Variants in CDC73 observed in about 807,000 individuals in gnomAD.
CDC73 encodes cell division cycle 73.
A neutral mutation model predicts 83.7 loss-of-function variants in CDC73; 21 were observed. The observed-to-expected ratio is 0.25, with a 90% CI of 0.18 to 0.36. The LOEUF is 0.36. CDC73 is among the 10% of genes least tolerant of loss of function. The pLI, the probability that CDC73 is intolerant of heterozygous loss-of-function variation, is 1.00. For synonymous variants in CDC73, 224 were observed against 212.9 expected (o/e 1.05, Z -0.45); for missense variants, 342 against 653.3 (o/e 0.52, Z 5.19).
intron 10 of CDC73, chr1:193,180,752 G>T (rs767933476): frequency 6.2e-7 from 1 of 1,614,074 alleles, no homozygotes; most frequent in Non-Finnish European, 8.5e-7. Flanking sequence ...CTGGGAGGCA[G>T]ATCTGGCTTC....
At chr1:193,214,451 C>T (rs1677329049) in intron 13 of CDC73, among the ~76,000 whole-genome samples, 1 of 152,170 alleles carries the variant, frequency 6.6e-6, no homozygotes, top group Admixed American at 6.5e-5. Context: ...GGCACGGTGG[C>T]TCACGCCTGT....
intron 13 of CDC73, among the ~76,000 whole-genome samples, chr1:193,224,571 ATACACATATATGAAATATGCATTCACATG>A (rs1280828198): frequency 6.6e-6 from 1 of 152,124 alleles, no homozygotes; most frequent in East Asian, 1.9e-4. Context: ...GCATTCACAT[ATACACATATATGAAATATGCATTCACATG>A]TACACATATA....
At chr1:193,163,174 T>G (rs1442311055) in intron 10 of CDC73, among the ~76,000 whole-genome samples, 5 of 150,818 alleles carry the variant, frequency 3.3e-5, no homozygotes, top group African/African-American at 4.9e-5. Context: ...TGTGTGTGTG[T>G]GTGGGTGTGT....
rs749039338 is a variant in CDC73 at position 193,141,856 on chromosome 1, G to A, written c.519G>A (p.Leu173=). ...GIVQTEQIRS[L]SEAMSVEKIA... is the part of the protein sequence containing the mutation. ...AAAAAGAAATTGCTTTTAGGTCTTT[G>A]TCTGAAGCTATGTCAGTGGAAAAAA... The change falls in exon 7 of 17, where the codon TTG becomes TTA. Residue 173 remains leucine (L), a synonymous_variant. Transcript: ENST00000367435. 1.3e-5 allele frequency: 21 copies of A among 1,611,184 alleles called. No individual in the cohort carries two copies. Among genetic ancestry groups the A allele is most frequent in the Non-Finnish European group, 1.5e-5 (18 of 1,177,778 alleles).
intron 10 of CDC73, chr1:193,179,307 C>T (rs1197604541): frequency 2.6e-5 from 4 of 152,138 alleles, no homozygotes; most frequent in Non-Finnish European, 4.4e-5. Context: ...ATAAACTTCC[C>T]GTATGTTGCA....
intron 13 of CDC73, among the ~76,000 whole-genome samples, chr1:193,214,282 A>T (rs569461432): frequency 5.3e-5 from 8 of 152,284 alleles, no homozygotes; most frequent in African/African-American, 1.7e-4. Flanking sequence ...CCAGGTGTTT[A>T]TGTATAAAGT....
intron 13 of CDC73, among the ~76,000 whole-genome samples, chr1:193,229,502 C>T (rs368614287): frequency 3.9e-5 from 6 of 152,232 alleles, no homozygotes; most frequent in African/African-American, 7.2e-5. Context: ...AGCAATAATA[C>T]GGTTTACAAA....
intron 13 of CDC73, among the ~76,000 whole-genome samples, chr1:193,224,491 CAT>C (rs200271702): frequency 0.014 from 2,116 of 151,636 alleles, 22 homozygotes; most frequent in South Asian, 0.033. Flanking sequence ...CACATATACA[CAT>C]ATATGAAATA....
At chr1:193,207,750 A>C (rs1235744944) in intron 11 of CDC73, among the ~76,000 whole-genome samples, 1 of 152,094 alleles carries the variant, frequency 6.6e-6, no homozygotes, top group African/African-American at 2.4e-5. Context: ...CATATTGTTC[A>C]AACACACATG....
intron 8 of CDC73, among the ~76,000 whole-genome samples, chr1:193,148,439 T>A (rs1676047318): frequency 1.3e-5 from 2 of 152,252 alleles, no homozygotes; most frequent in South Asian, 4.1e-4. Context: ...GCCTTCTCTT[T>A]GAAGTGCCAC....
intron 10 of CDC73, among the ~76,000 whole-genome samples, chr1:193,165,673 A>C (rs1676423579): frequency 6.6e-6 from 1 of 152,256 alleles, no homozygotes. Context: ...AACCATTTTC[A>C]GTAATAGAAG....
intron 13 of CDC73, among the ~76,000 whole-genome samples, chr1:193,231,890 C>T (rs1373469278): frequency 6.6e-6 from 1 of 152,062 alleles, no homozygotes; most frequent in Non-Finnish European, 1.5e-5. Flanking sequence ...ATGATACTCT[C>T]AATATATTGA....
chr1:193,206,120 A>G (rs1346424546), intron 11 of CDC73, among the ~76,000 whole-genome samples: 2 of 152,162 alleles, frequency 1.3e-5, no homozygotes, highest in African/African-American at 2.4e-5. Context: ...CATTTTGTTC[A>G]TATGTGTCTT....
At chr1:193,218,711 A>G (rs866245786) in intron 13 of CDC73, among the ~76,000 whole-genome samples, 8 of 152,224 alleles carry the variant, frequency 5.3e-5, no homozygotes, top group Admixed American at 6.5e-5. Context: ...AGCCAAATGC[A>G]GAAGATTGAA....
chr1:193,137,125 T>C (rs941278101), intron 5 of CDC73, among the ~76,000 whole-genome samples: 14 of 152,250 alleles, frequency 9.2e-5, no homozygotes, highest in African/African-American at 3.1e-4. Context: ...GTAGAGTTTC[T>C]GATTTGATAA....
In CDC73 at chr1:193,212,453, C is replaced by T. The variant is rs1248317719; in HGVS notation, c.1130C>T (p.Ala377Val). Reference protein sequence around the residue: ...ATTSLITMLNAKDLLQDLKFV... With the variant: ...ATTSLITMLNVKDLLQDLKFV... ...ACCTCTTTAATAACCATGCTTAATG[C>T]AAAAGACCTTCTACAGGACCTGAAG... The change falls in exon 13 of 17, where the codon GCA (alanine) becomes GTA (valine). Residue 377 changes from alanine (A) to valine (V), a missense_variant. By Grantham distance (64) the Ala-to-Val change is moderately conservative (BLOSUM62 0). Transcript: ENST00000367435. 6.2e-7 allele frequency: 1 copy of T among 1,602,708 alleles called. No individual in the cohort carries two copies. Among genetic ancestry groups the T allele is most frequent in the Non-Finnish European group, 8.5e-7 (1 of 1,171,096 alleles).
rs1260924130 is a variant in CDC73, at chr1:193,180,594, C to G, written c.973-23201C>G. ...AAGAAACTTTAAAAATCTTTTCTGC[C>G]AGATCTCCAGAAAAAACATAACCAG... On this transcript the variant is annotated intron_variant, in intron 10 of 16. Transcript: ENST00000367435. The G allele has an allele frequency of 1.9e-6, 3 of 1,613,942 alleles. No homozygotes were observed. Among genetic ancestry groups the G allele is most frequent in the East Asian group, 4.5e-5 (2 of 44,884 alleles).
chr1:193,216,841 T>C (rs992156344), intron 13 of CDC73, among the ~76,000 whole-genome samples: 1 of 152,076 alleles, frequency 6.6e-6, no homozygotes, highest in Non-Finnish European at 1.5e-5. Context: ...CTAAAAAAAT[T>C]ACATGGTCAT....
At position 193,147,821 on chromosome 1, in the gene CDC73, A is replaced by G. The variant is rs140402302; in HGVS notation, c.730-46A>G. The G allele has an allele frequency of 1.5e-3, 1,525 of 993,312 alleles. 37 individuals are homozygous for G. The East Asian group carries it at 0.035, about 23-fold the overall frequency. 61.5% of individuals were successfully genotyped at this position (993,312 alleles called of 1,614,324 possible). On this transcript the variant is annotated intron_variant, in intron 7 of 16. Coordinates refer to ENST00000367435, the MANE Select transcript of CDC73 (RefSeq NM_024529.5). ...TCTTAAATTATCAACTAAATTTACT[A>G]TTGTATATTTAAAGTGGGCTTAATT...
Sources: allele counts gnomAD v4.1 joint callset (sites outside exome capture counted in the v4.1 genomes callset), GRCh38; gene constraint gnomAD v4.1.1; transcripts MANE v1.5; gene names NCBI Gene and HGNC (gene_info 2026-07-23, HGNC 2026-07-21).